The following MAGI2 variants were observed in gnomAD, a reference collection of about 807,000 sequenced individuals.
The protein encoded by MAGI2 is membrane associated guanylate kinase, WW and PDZ domain containing 2, also known as membrane-associated guanylate kinase, WW and PDZ domain-containing protein 2.
MAGI2 carries 35 observed loss-of-function variants against 133.3 expected under a neutral mutation model. The observed-to-expected ratio is 0.26, with a 90% CI of 0.20 to 0.35. The LOEUF is 0.35. Among genes scored for constraint, MAGI2 ranks in the 10% least tolerant of loss-of-function variants. The pLI, the probability that MAGI2 is intolerant of heterozygous loss-of-function variation, is 1.00. For synonymous variants in MAGI2, 729 were observed against 710.6 expected, an observed-to-expected ratio of 1.03 and a Z score of -0.41; for missense variants, 1,636 against 1,863.4, an observed-to-expected ratio of 0.88 and a Z score of 2.25.
intron 1 of MAGI2, among the ~76,000 whole-genome samples, chr7:79,119,214 T>C (rs1004169211): frequency 6.6e-6 from 1 of 152,192 alleles, no homozygotes; most frequent in Non-Finnish European, 1.5e-5. Flanking sequence ...CCTCTTCCTT[T>C]TAACAAATAA....
intron 1 of MAGI2, among the ~76,000 whole-genome samples, chr7:79,213,179 T>C (rs1400634210): frequency 2.0e-5 from 3 of 151,740 alleles, no homozygotes; most frequent in African/African-American, 7.3e-5. Flanking sequence ...ATTTTCTGTA[T>C]AGATTTTTCT....
intron 2 of MAGI2, among the ~76,000 whole-genome samples, chr7:78,961,219 C>T (rs1802807933): frequency 6.6e-6 from 1 of 152,062 alleles, no homozygotes; most frequent in Non-Finnish European, 1.5e-5. Flanking sequence ...TCACCAATGA[C>T]CTGATCTCTC....
Position 78,393,591 on chromosome 7 carries a change from T to G in MAGI2, c.1046-24378A>C, listed in dbSNP as rs181393491. On this transcript the variant is annotated intron_variant, in intron 6 of 21. Coordinates refer to ENST00000354212, the MANE Select transcript of MAGI2 (RefSeq NM_012301.4). ...TCTTCATAAATCAAGCAGAATCCAT[T>G]TTTGTTGTTTGCACTCAAGAACTCT... 2.8e-3 allele frequency among the ~76,000 whole-genome samples: 428 copies of G among 152,302 alleles called. 1 individual carries two copies. Among genetic ancestry groups the G allele is most frequent in the Non-Finnish European group, 5.1e-3 (348 of 68,016 alleles).
chr7:78,851,399 G>T (rs1281631711), intron 2 of MAGI2, among the ~76,000 whole-genome samples: 3 of 151,946 alleles, frequency 2.0e-5, no homozygotes, highest in Non-Finnish European at 4.4e-5. Flanking sequence ...CCGACAGAGA[G>T]TAACTGTCTC....
chr7:78,335,911 C>T (rs934873604), intron 9 of MAGI2, among the ~76,000 whole-genome samples: 1 of 152,088 alleles, frequency 6.6e-6, no homozygotes, highest in African/African-American at 2.4e-5. Context: ...GTGTAAAACT[C>T]CACTGGGAGG....
intron 4 of MAGI2, among the ~76,000 whole-genome samples, chr7:78,508,275 G>A (rs1370451610): frequency 6.6e-6 from 1 of 151,852 alleles, no homozygotes; most frequent in African/African-American, 2.4e-5. Flanking sequence ...TGAATCTGGG[G>A]GTGGGGGCAC....
At chr7:78,518,463 T>C (rs951752057) in intron 4 of MAGI2, 8 of 152,174 alleles carry the variant, frequency 5.3e-5, no homozygotes, top group East Asian at 1.9e-4. Flanking sequence ...ACAGTTAAGA[T>C]AGTTAAATGA....
intron 1 of MAGI2, among the ~76,000 whole-genome samples, chr7:79,327,975 G>A (rs1381595591): frequency 6.6e-6 from 1 of 151,982 alleles, no homozygotes; most frequent in African/African-American, 2.4e-5. Context: ...TAATTAAATG[G>A]TATGAAAATT....
At chr7:78,453,328 G>A (rs984238375) in intron 6 of MAGI2, among the ~76,000 whole-genome samples, 8 of 152,178 alleles carry the variant, frequency 5.3e-5, no homozygotes, top group Admixed American at 4.6e-4. Flanking sequence ...TTTAAGGGAA[G>A]CTCTTTCTTC....
At chr7:78,663,926 C>A (rs951100784) in intron 2 of MAGI2, among the ~76,000 whole-genome samples, 28 of 152,142 alleles carry the variant, frequency 1.8e-4, no homozygotes, top group Admixed American at 1.8e-3. Context: ...AACAAAGCCA[C>A]CAGCAGCACA....
At chr7:78,470,285 T>A (rs1267308056) in intron 6 of MAGI2, among the ~76,000 whole-genome samples, 1 of 152,144 alleles carries the variant, frequency 6.6e-6, no homozygotes, top group Non-Finnish European at 1.5e-5. Flanking sequence ...CACTGTGGAA[T>A]CTGTCATTTA....
intron 2 of MAGI2, among the ~76,000 whole-genome samples, chr7:78,728,924 T>C (rs964679014): frequency 4.6e-5 from 7 of 152,194 alleles, no homozygotes; most frequent in African/African-American, 1.7e-4. Context: ...TTCCTTTCTG[T>C]GGCATAGCTC....
At chr7:78,328,060 T>C (rs1788764784) in intron 9 of MAGI2, among the ~76,000 whole-genome samples, 2 of 152,306 alleles carry the variant, frequency 1.3e-5, no homozygotes, top group African/African-American at 4.8e-5. Flanking sequence ...CACAGCATCT[T>C]GTTCAGCTCT....
chr7:78,670,705 T>C (rs541620507), intron 2 of MAGI2, among the ~76,000 whole-genome samples: 77 of 152,268 alleles, frequency 5.1e-4, no homozygotes, highest in African/African-American at 1.8e-3. Context: ...AACAGCATGG[T>C]ACCGGTACCA....
intron 1 of MAGI2, among the ~76,000 whole-genome samples, chr7:79,081,268 T>C (rs958325456): frequency 6.6e-6 from 1 of 152,180 alleles, no homozygotes; most frequent in Non-Finnish European, 1.5e-5. Flanking sequence ...TCAAAGGTCA[T>C]TTCCTAAGAA....
intron 2 of MAGI2, among the ~76,000 whole-genome samples, chr7:78,743,153 T>C (rs781178467): frequency 6.6e-6 from 1 of 152,204 alleles, no homozygotes; most frequent in Non-Finnish European, 1.5e-5. Flanking sequence ...TGAAGTGATT[T>C]GTTATGCAGG....
intron 19 of MAGI2, among the ~76,000 whole-genome samples, chr7:78,126,650 A>G (rs1821010274): frequency 6.6e-6 from 1 of 152,254 alleles, no homozygotes; most frequent in Non-Finnish European, 1.5e-5. Context: ...TAATCATAAC[A>G]ACAGTGACAC....
chr7:78,464,198 CT>C (rs1201419679), intron 6 of MAGI2, among the ~76,000 whole-genome samples: 3 of 152,120 alleles, frequency 2.0e-5, no homozygotes, highest in African/African-American at 7.2e-5. Context: ...CTTCAGTTTG[CT>C]GGGACCTACA....
intron 1 of MAGI2, among the ~76,000 whole-genome samples, chr7:79,387,048 T>G (rs1167897424): frequency 6.6e-6 from 1 of 151,536 alleles, no homozygotes; most frequent in Non-Finnish European, 1.5e-5. Flanking sequence ...ATATGCCTCT[T>G]CAAAATTTAT....
Sources: allele counts gnomAD v4.1 joint callset (sites outside exome capture counted in the v4.1 genomes callset), GRCh38; gene constraint gnomAD v4.1.1; transcripts MANE v1.5; gene names NCBI Gene and HGNC (gene_info 2026-07-23, HGNC 2026-07-21).